C10orf105: variants seen among roughly 807,000 people sequenced by gnomAD.
C10orf105 encodes uncharacterized protein C10orf105.
C10orf105 carries 2 observed loss-of-function variants against 0.6 expected under a neutral mutation model. The ratio of observed to expected loss-of-function variants is 3.18; its 90% CI spans 1.30 to 10.01. The LOEUF is 10.01. Ranked by LOEUF, C10orf105 falls within the 30% of genes most tolerant of loss-of-function variation. C10orf105 has a pLI of 0.04. For synonymous variants in C10orf105, 95 were observed against 82.4 expected (o/e 1.15, Z -0.83); for missense variants, 209 against 191.4 (o/e 1.09, Z -0.54).
rs1290225314 is a variant in C10orf105 at position 71,715,952 on chromosome 10, T to G, written c.386A>C (p.Glu129Ala). ...EDNRSHCDYMESTKM is the reference protein window; with the variant it reads ...EDNRSHCDYMASTKM ...GACACCCCATTACATCTTGGTAGAT[T>G]CCATGTAGTCACAGTGGCTGCGGTT... Residue 129 changes from glutamate (E) to alanine (A), a missense_variant, in exon 2 of 2, where the codon GAA becomes GCA. Transcript: ENST00000441508. 1 of 1,473,310 alleles carries G rather than the reference T, an allele frequency of 6.8e-7. No individual in the cohort carries two copies. Among genetic ancestry groups the G allele is most frequent in the African/African-American group, 1.4e-5 (1 of 70,262 alleles). 91.3% of individuals were successfully genotyped at this position (1,473,310 alleles called of 1,614,324 possible).
chr10:71,730,323 C>A, intron 1 of C10orf105: 1 of 961,652 alleles, frequency 1.0e-6, no homozygotes, highest in Non-Finnish European at 1.5e-6. Flanking sequence ...TCACAGTGAC[C>A]CACCAGACAG....
At chr10:71,735,254 AG>A (rs1218814984) in intron 1 of C10orf105, among the ~76,000 whole-genome samples, 1 of 152,102 alleles carries the variant, frequency 6.6e-6, no homozygotes, top group Non-Finnish European at 1.5e-5. Flanking sequence ...GCGCTTAGGA[AG>A]GGGACCATGG....
At chr10:71,718,132 G>A (rs1405975860) in intron 1 of C10orf105, among the ~76,000 whole-genome samples, 1 of 152,182 alleles carries the variant, frequency 6.6e-6, no homozygotes, top group Admixed American at 6.5e-5. Flanking sequence ...CCAGCTTGCA[G>A]CTTAGATAAC....
Position 71,713,093 on chromosome 10 carries a change from A to G in C10orf105, c.*2843T>C. 1 of 764,278 alleles carries G rather than the reference A, an allele frequency of 1.3e-6. No individual in the cohort carries two copies. The highest frequency in any genetic ancestry group is 1.4e-5 in the South Asian group (1 of 71,988). The allele number at this position is 764,278 out of a possible 1,614,324, so 47.3% of individuals were successfully genotyped here. A position where few individuals can be genotyped will look rare whatever the true frequency, so the allele number is the denominator to read the frequency against. On this transcript the variant is annotated 3_prime_UTR_variant, in exon 2 of 2. Transcript: ENST00000441508. ...CCTGCATATCTCCCGCCCCACCCAGAAGGGCCTTTCAGAGTAGCGGGGAGA... is the reference window on the plus strand; with the variant it reads ...CCTGCATATCTCCCGCCCCACCCAGGAGGGCCTTTCAGAGTAGCGGGGAGA...
Position 71,716,019 on chromosome 10 carries a change from G to A in C10orf105, c.319C>T (p.Arg107Trp), listed in dbSNP as rs1437282722. 1.0e-5 allele frequency: 15 copies of A among 1,500,470 alleles called. No homozygotes were observed. The highest frequency in any genetic ancestry group is 2.8e-5 in the African/African-American group (2 of 71,092). 92.9% of individuals were successfully genotyped at this position (1,500,470 alleles called of 1,614,324 possible). ...AGGGGCTGTCGAGGGACGGTGGGCC[G>A]GCCATGGCGGAAGCTGTGCAGGGAG... The part of the protein sequence containing the change: ...RLSLHSFRHG[R>W]PTVPRQPLPG... Residue 107 changes from arginine to tryptophan, a missense_variant, in exon 2 of 2, where the codon CGG becomes TGG. Arg to Trp is a moderately radical substitution (Grantham distance 101). Coordinates refer to ENST00000441508, the MANE Select transcript of C10orf105 (RefSeq NM_001164375.3).
intron 1 of C10orf105, among the ~76,000 whole-genome samples, chr10:71,719,414 G>A (rs906340080): frequency 6.6e-6 from 1 of 152,234 alleles, no homozygotes; most frequent in African/African-American, 2.4e-5. Context: ...TTCCCTTGGA[G>A]TTCCACAGAG....
chr10:71,735,154 T>A (rs1839523553), intron 1 of C10orf105, among the ~76,000 whole-genome samples: 1 of 152,172 alleles, frequency 6.6e-6, no homozygotes, highest in Admixed American at 6.5e-5. Flanking sequence ...TCCTGATGCC[T>A]CAGCTGCTGC....
Position 71,715,881 on chromosome 10 carries a change from G to A in C10orf105, c.*55C>T. The A allele has an allele frequency of 4.9e-6, 7 of 1,417,504 alleles. No homozygotes were observed. Among genetic ancestry groups the A allele is most frequent in the Non-Finnish European group, 6.5e-6 (7 of 1,077,018 alleles). 87.8% of individuals were successfully genotyped at this position (1,417,504 alleles called of 1,614,324 possible). A position where few individuals can be genotyped will look rare whatever the true frequency, so the allele number is the denominator to read the frequency against. On this transcript the variant is annotated 3_prime_UTR_variant, in exon 2 of 2. Coordinates refer to ENST00000441508, the MANE Select transcript of C10orf105 (RefSeq NM_001164375.3). ...GCCTGCAGCACCGGTCTCTGAAGCA[G>A]GAGGATCTACAGGTAGACCTAGGGG...
At position 71,715,881 on chromosome 10, in the gene C10orf105, G is replaced by T; in HGVS notation, c.*55C>A. 7.1e-7 allele frequency: 1 copy of T among 1,417,502 alleles called. No individual in the cohort carries two copies. The highest frequency in any genetic ancestry group is 2.7e-5 in the East Asian group (1 of 37,026). The allele number at this position is 1,417,502 out of a possible 1,614,324, so 87.8% of individuals were successfully genotyped here. ...GCCTGCAGCACCGGTCTCTGAAGCA[G>T]GAGGATCTACAGGTAGACCTAGGGG... On this transcript the variant is annotated 3_prime_UTR_variant, in exon 2 of 2. Coordinates refer to ENST00000441508, the MANE Select transcript of C10orf105 (RefSeq NM_001164375.3).
intron 1 of C10orf105, among the ~76,000 whole-genome samples, chr10:71,718,368 C>T (rs1177114888): frequency 6.6e-6 from 1 of 152,282 alleles, no homozygotes; most frequent in Non-Finnish European, 1.5e-5. Context: ...ACCCATTCCC[C>T]ACCACCACCC....
intron 1 of C10orf105, 33 bp downstream of exon 1, chr10:71,719,594 C>T (rs912751958): frequency 7.8e-5 from 12 of 153,182 alleles, no homozygotes; most frequent in African/African-American, 2.9e-4. Context: ...CTTCCCTCTC[C>T]AAGCCTTCTC....
intron 1 of C10orf105, among the ~76,000 whole-genome samples, chr10:71,729,876 C>A (rs1418521746): frequency 6.6e-6 from 1 of 151,694 alleles, no homozygotes; most frequent in African/African-American, 2.4e-5. Flanking sequence ...GCTCTGTTGC[C>A]CAGGCTGGAG....
chr10:71,732,656 C>A, intron 1 of C10orf105: 1 of 1,385,458 alleles, frequency 7.2e-7, no homozygotes, highest in Non-Finnish European at 9.3e-7. Flanking sequence ...AAAAAAAGTC[C>A]CCGAGATCAA....
chr10:71,736,154 C>T (rs1007014253), intron 1 of C10orf105, among the ~76,000 whole-genome samples: 7 of 152,232 alleles, frequency 4.6e-5, no homozygotes, highest in Admixed American at 4.6e-4. Context: ...GCACACACTT[C>T]TGCCTGTGCC....
chr10:71,719,846 G>C (rs911608168), upstream of C10orf105: 2 of 152,644 alleles, frequency 1.3e-5, no homozygotes, highest in Non-Finnish European at 2.9e-5. Flanking sequence ...CCTTGGGGGA[G>C]GGGATAGCTA....
chr10:71,713,111 C>A lies in C10orf105; in HGVS notation c.*2825G>T, dbSNP rs2394838. 15 of 771,802 alleles carry A rather than the reference C, an allele frequency of 1.9e-5. No homozygotes were observed. Among genetic ancestry groups the A allele is most frequent in the African/African-American group, 1.9e-4 (11 of 58,918 alleles). The allele number at this position is 771,802 out of a possible 1,614,324, so 47.8% of individuals were successfully genotyped here. On this transcript the variant is annotated 3_prime_UTR_variant, in exon 2 of 2. Coordinates refer to ENST00000441508, the MANE Select transcript of C10orf105 (RefSeq NM_001164375.3). Reference sequence around the variant, plus strand: ...CACCCAGAAGGGCCTTTCAGAGTAGCGGGGAGAAAGAGACGTCACAATTTC... The same window carrying A: ...CACCCAGAAGGGCCTTTCAGAGTAGAGGGGAGAAAGAGACGTCACAATTTC...
intron 1 of C10orf105, among the ~76,000 whole-genome samples, chr10:71,730,002 T>C (rs1839310096): frequency 6.6e-6 from 1 of 151,990 alleles, no homozygotes. Flanking sequence ...GCCCGGCTAA[T>C]TTTTTGTATT....
upstream of C10orf105, among the ~76,000 whole-genome samples, chr10:71,721,303 C>T (rs775836080): frequency 1.2e-4 from 19 of 152,174 alleles, no homozygotes; most frequent in Non-Finnish European, 2.6e-4. Context: ...AAGAACTGCA[C>T]GGCAAGGGGC....
intron 1 of C10orf105, among the ~76,000 whole-genome samples, chr10:71,735,210 G>A (rs890811246): frequency 2.2e-4 from 34 of 152,212 alleles, no homozygotes; most frequent in African/African-American, 7.7e-4. Flanking sequence ...TGGTGCAAGT[G>A]TGTGGGGTGG....
Sources: allele counts gnomAD v4.1 joint callset (sites outside exome capture counted in the v4.1 genomes callset), GRCh38; gene constraint gnomAD v4.1.1; transcripts MANE v1.5; gene names NCBI Gene and HGNC (gene_info 2026-07-23, HGNC 2026-07-21).